The following TENM2 variants were observed in gnomAD, a reference collection of about 807,000 sequenced individuals.
TENM2 encodes teneurin-2.
TENM2 carries 52 observed loss-of-function variants against 245.2 expected under a neutral mutation model. That is an observed-to-expected ratio of 0.21 (90% CI 0.17 to 0.27). The LOEUF is 0.27. Ranked by LOEUF, TENM2 falls within the 10% of genes least tolerant of loss-of-function variation. The pLI, the probability that TENM2 is intolerant of heterozygous loss-of-function variation, is 1.00. For synonymous variants in TENM2, 1,363 were observed against 1,438.9 expected, an observed-to-expected ratio of 0.95 and a Z score of 1.19; for missense variants, 3,046 against 3,666.8, an observed-to-expected ratio of 0.83 and a Z score of 4.37.
chr5:167,023,582 A>G, the TENM2 span, among the ~76,000 whole-genome samples: 2 of 152,236 alleles, frequency 1.3e-5, no homozygotes, highest in Non-Finnish European at 1.5e-5. Flanking sequence ...TTGTTCCTGT[A>G]TCTCTGAAGG....
chr5:168,201,016 T>C (rs951688831), intron 17 of TENM2, among the ~76,000 whole-genome samples: 6 of 152,130 alleles, frequency 3.9e-5, no homozygotes. Flanking sequence ...GTAGAGAGAA[T>C]TGTGTTAAAT....
chr5:167,307,686 G>A (rs1314373069), intron 1 of TENM2, among the ~76,000 whole-genome samples: 1 of 152,114 alleles, frequency 6.6e-6, no homozygotes, highest in African/African-American at 2.4e-5. Flanking sequence ...CTGCTGGTGA[G>A]GTCCATTGTT....
At chr5:167,078,595 C>T in the TENM2 span, among the ~76,000 whole-genome samples, 2 of 152,140 alleles carry the variant, frequency 1.3e-5, no homozygotes, top group African/African-American at 2.4e-5. Context: ...ACCTTTAATT[C>T]TTGTTATTCC....
chr5:167,229,930 G>A, the TENM2 span, among the ~76,000 whole-genome samples: 1 of 152,144 alleles, frequency 6.6e-6, no homozygotes, highest in African/African-American at 2.4e-5. Context: ...CTTTTGCCTT[G>A]GCCCACAGCA....
At chr5:167,311,008 C>A (rs1391878295) in intron 1 of TENM2, among the ~76,000 whole-genome samples, 1 of 152,118 alleles carries the variant, frequency 6.6e-6, no homozygotes, top group Non-Finnish European at 1.5e-5. Context: ...AAATATCTAG[C>A]ATACAGTGCT....
At chr5:167,723,224 A>G (rs556753972) in intron 2 of TENM2, among the ~76,000 whole-genome samples, 1 of 152,298 alleles carries the variant, frequency 6.6e-6, no homozygotes, top group South Asian at 2.1e-4. Flanking sequence ...TTATTAAAAC[A>G]TCCTTGCATG....
intron 7 of TENM2, among the ~76,000 whole-genome samples, chr5:168,064,380 A>G (rs747564681): frequency 6.6e-6 from 1 of 152,094 alleles, no homozygotes; most frequent in Non-Finnish European, 1.5e-5. Context: ...TAAGAAAACT[A>G]CTTCTTCCCC....
intron 2 of TENM2, among the ~76,000 whole-genome samples, chr5:167,765,686 G>A (rs912653166): frequency 3.9e-5 from 6 of 152,150 alleles, no homozygotes; most frequent in Admixed American, 1.3e-4. Context: ...GGTAATATTC[G>A]TGTTAATGTC....
At chr5:167,398,366 CT>C (rs1469431207) in intron 2 of TENM2, among the ~76,000 whole-genome samples, 2 of 131,950 alleles carry the variant, frequency 1.5e-5, no homozygotes, top group African/African-American at 6.2e-5. Context: ...TCTTTCTTTC[CT>C]TTCTTTCTTC....
At chr5:167,988,685 G>A (rs923144989) in intron 4 of TENM2, among the ~76,000 whole-genome samples, 14 of 152,174 alleles carry the variant, frequency 9.2e-5, no homozygotes, top group African/African-American at 2.7e-4. Context: ...AGCTTCAGTG[G>A]GAGAGGTAGC....
At chr5:166,991,767 A>C in the TENM2 span, among the ~76,000 whole-genome samples, 1 of 152,194 alleles carries the variant, frequency 6.6e-6, no homozygotes, top group Admixed American at 6.5e-5. Context: ...CGCTTTGTCC[A>C]AGCAGGCTCA....
chr5:167,130,006 G>A, the TENM2 span, among the ~76,000 whole-genome samples: 1 of 152,146 alleles, frequency 6.6e-6, no homozygotes, highest in East Asian at 1.9e-4. Context: ...TGGAGGCCAA[G>A]AATTAGTTGA....
rs28463232 is a variant in TENM2 at position 167,314,396 on chromosome 5, A to G, written c.226+29333A>G. Among the ~76,000 whole-genome samples the G allele has an allele frequency of 1.6e-3, 238 of 152,244 alleles. 3 individuals are homozygous for G. Among genetic ancestry groups the G allele is most frequent in the African/African-American group, 5.3e-3 (222 of 41,520 alleles). On this transcript the variant is annotated intron_variant, in intron 1 of 28. Transcript: ENST00000518659. ...AATGCTGTGTCTCCCAAAGTTAATG[A>G]AGAGTTATTATTTTATAGATGACAA...
chr5:167,640,566 C>T (rs1314293118), intron 2 of TENM2, among the ~76,000 whole-genome samples: 2 of 146,394 alleles, frequency 1.4e-5, no homozygotes, highest in Admixed American at 1.4e-4. Context: ...TGCAGTGAGC[C>T]GAGATCATAC....
intron 2 of TENM2, among the ~76,000 whole-genome samples, chr5:167,437,853 C>T (rs563082255): frequency 3.9e-5 from 6 of 152,144 alleles, no homozygotes; most frequent in African/African-American, 9.7e-5. Context: ...GATTGTGAGG[C>T]CTCCGCAGCC....
At chr5:168,223,701 A>G (rs924092674) in intron 23 of TENM2, among the ~76,000 whole-genome samples, 1 of 151,984 alleles carries the variant, frequency 6.6e-6, no homozygotes. Flanking sequence ...TCCTCACCTC[A>G]TGATCCACCC....
At chr5:167,371,227 G>A (rs968015685) in intron 1 of TENM2, among the ~76,000 whole-genome samples, 2 of 151,658 alleles carry the variant, frequency 1.3e-5, no homozygotes, top group African/African-American at 2.4e-5. Context: ...CAAACTAGAT[G>A]AACAGCTGGT....
At chr5:167,903,424 G>A (rs948199950) in intron 3 of TENM2, among the ~76,000 whole-genome samples, 9 of 151,242 alleles carry the variant, frequency 6.0e-5, no homozygotes, top group Admixed American at 1.3e-4. Context: ...ACATGAAGCC[G>A]CCTACTCAGG....
the TENM2 span, among the ~76,000 whole-genome samples, chr5:166,981,620 G>A: frequency 2.6e-5 from 4 of 152,100 alleles, no homozygotes; most frequent in Non-Finnish European, 5.9e-5. Context: ...TGCTAGGCTC[G>A]TGGGGCAAGA....
Sources: gnomAD v4.1 joint callset for allele counts (sites outside exome capture counted in the v4.1 genomes callset) on GRCh38, gnomAD v4.1.1 for gene constraint, MANE v1.5 for transcripts, NCBI Gene and HGNC (gene_info 2026-07-23, HGNC 2026-07-21) for gene names.